Variants in GAB4 observed in about 807,000 individuals in gnomAD.
GAB4 encodes the protein GRB2 associated binding protein family member 4.
Under a neutral mutation model 51.3 loss-of-function variants are expected in GAB4, and 26 were observed. The observed-to-expected ratio is 0.51, with a 90% confidence interval of 0.37 to 0.70. GAB4 has a LOEUF of 0.70. Ranked by LOEUF, GAB4 falls within the 30% of genes least tolerant of loss-of-function variation. GAB4 has a pLI of 0.00. For missense variants in GAB4, 759 were observed against 734.6 expected (o/e 1.03, Z -0.38); for synonymous variants, 329 against 291.2 (o/e 1.13, Z -1.32).
At chr22:16,980,209 C>T (rs2060815892) in intron 3 of GAB4, among the ~76,000 whole-genome samples, 1 of 152,184 alleles carries the variant, frequency 6.6e-6, no homozygotes, top group African/African-American at 2.4e-5. Flanking sequence ...AAACTATCAT[C>T]AGAGTGAACA....
chr22:16,988,423 C>G (rs570891146), intron 2 of GAB4, among the ~76,000 whole-genome samples: 486 of 152,320 alleles, frequency 3.2e-3, no homozygotes, highest in African/African-American at 0.011. Flanking sequence ...TCCCAGACGG[C>G]GTGGTTCCCC....
At chr22:16,981,494 A>G (rs568010621) in intron 3 of GAB4, among the ~76,000 whole-genome samples, 14 of 152,286 alleles carry the variant, frequency 9.2e-5, no homozygotes, top group Non-Finnish European at 1.6e-4. Flanking sequence ...GACTATTATG[A>G]GCAACAATAT....
chr22:16,989,074 G>A (rs570861958), intron 2 of GAB4, among the ~76,000 whole-genome samples: 7 of 152,274 alleles, frequency 4.6e-5, no homozygotes, highest in South Asian at 4.1e-4. Flanking sequence ...TTTGAGAACC[G>A]CTACTGATGT....
Position 16,973,526 on chromosome 22 carries a change from C to T in GAB4, c.687-3333G>A, listed in dbSNP as rs536066998. ...CAGCTCAGATACTCACCCCTGAGTA[C>T]GTCCCACATGGTCTAAACCCCATCC... On this transcript the variant is annotated intron_variant, in intron 3 of 9. Coordinates refer to ENST00000400588, the MANE Select transcript of GAB4 (RefSeq NM_001037814.1). Among the ~76,000 whole-genome samples, 20 of 152,298 alleles carry T rather than the reference C, an allele frequency of 1.3e-4. No homozygotes were observed. The East Asian group carries it at 3.3e-3, about 25-fold the overall frequency.
chr22:16,972,446 T>C (rs1361450544), intron 3 of GAB4, among the ~76,000 whole-genome samples: 1 of 152,154 alleles, frequency 6.6e-6, no homozygotes, highest in Non-Finnish European at 1.5e-5. Context: ...TTCAAGGGGC[T>C]GCAAGCTGCT....
At position 16,991,855 on chromosome 22, in the gene GAB4, C is replaced by T. The variant is rs1220488588; in HGVS notation, c.478+18G>A. 68 of 1,592,184 alleles carry T rather than the reference C, an allele frequency of 4.3e-5. No individual in the cohort carries two copies. The highest frequency in any genetic ancestry group is 5.8e-5 in the Non-Finnish European group (68 of 1,165,842). ...CATCTCAGCCCCTCCTGAGACAGGGCTGTGTGTGCTCCCATACCTGTGCTT... is the reference window on the plus strand; with the variant it reads ...CATCTCAGCCCCTCCTGAGACAGGGTTGTGTGTGCTCCCATACCTGTGCTT... On this transcript the variant is annotated intron_variant, in intron 2 of 9. Coordinates refer to ENST00000400588, the MANE Select transcript of GAB4 (RefSeq NM_001037814.1).
Position 16,963,747 on chromosome 22 carries a change from G to A in GAB4, c.1559C>T (p.Ala520Val), listed in dbSNP as rs1253940662. Reference protein sequence around the residue: ...PRSTGNIHYAALDFQPSKPSI... With the variant: ...PRSTGNIHYAVLDFQPSKPSI... The stretch of plus-strand genomic sequence containing the variant: ...CACCTTGCTCGGCTGGAAGTCCAGG[G>A]CCGCGTAGTGGATGTTACCAGTGCT... Residue 520 changes from alanine (A) to valine (V), a missense_variant, in exon 9 of 10, where the codon GCC becomes GTC. Ala to Val is a moderately conservative substitution (Grantham distance 64, BLOSUM62 0). Around this residue, in one of 3 missense-constraint regions of GAB4, gnomAD observed 588 missense variants for 510.2 expected, o/e 1.15. Transcript: ENST00000400588. 2 of 1,613,454 alleles carry A rather than the reference G, an allele frequency of 1.2e-6. No homozygotes were observed. The highest frequency in any genetic ancestry group is 1.3e-5 in the African/African-American group (1 of 74,908).
Position 16,964,844 on chromosome 22 carries a change from G to T in GAB4, c.1398C>A (p.Ser466Arg), listed in dbSNP as rs150913589. 1.2e-6 allele frequency: 2 copies of T among 1,613,978 alleles called. No homozygotes were observed. Among genetic ancestry groups the T allele is most frequent in the South Asian group, 2.2e-5 (2 of 91,076 alleles). Residue 466 changes from serine (S) to arginine (R), a missense_variant, in exon 8 of 10, where the codon AGC (serine) becomes AGA (arginine). Transcript: ENST00000400588. ...GCGTGGAGATGGGGTGTTGGGAGGA[G>T]CTGGAGTCAAAGGTGTGGCTGTCAT... ...WSGTSHTFDS[S>R]SSQHPISTQS... is the part of the protein sequence containing the mutation.
chr22:17,007,625 C>T (rs1159723309), intron 1 of GAB4, among the ~76,000 whole-genome samples: 8 of 152,000 alleles, frequency 5.3e-5, no homozygotes, highest in African/African-American at 1.9e-4. Context: ...GGAGCGGGTG[C>T]GAGGTTCCTG....
chr22:16,974,055 G>T (rs5748773), intron 3 of GAB4, among the ~76,000 whole-genome samples: 4 of 151,930 alleles, frequency 2.6e-5, no homozygotes, highest in Non-Finnish European at 4.4e-5. Context: ...GGAGCACTGT[G>T]CCAACAACAC....
intron 1 of GAB4, among the ~76,000 whole-genome samples, chr22:16,997,342 G>A (rs1282510235): frequency 6.6e-6 from 1 of 152,180 alleles, no homozygotes; most frequent in Non-Finnish European, 1.5e-5. Context: ...CATTCTAACT[G>A]GTATGAGATG....
intron 1 of GAB4, among the ~76,000 whole-genome samples, chr22:16,997,534 A>T (rs1215377659): frequency 6.6e-6 from 1 of 152,032 alleles, no homozygotes; most frequent in Non-Finnish European, 1.5e-5. Flanking sequence ...TAGATTCTGG[A>T]TATTAGCCCT....
Position 16,972,578 on chromosome 22 carries a change from G to A in GAB4, c.687-2385C>T, listed in dbSNP as rs117313128. Among the ~76,000 whole-genome samples, 1,123 of 152,222 alleles carry A rather than the reference G, an allele frequency of 7.4e-3. 20 individuals are homozygous for A. In the East Asian group the frequency reaches 0.09, roughly 12 times the overall value. On this transcript the variant is annotated intron_variant, in intron 3 of 9. Transcript: ENST00000400588. Reference sequence around the variant, plus strand: ...CTCAGGTGTCCTGCGGTAATCTCACGCATATTCAGAATATGCCCATCATCT... The same window carrying A: ...CTCAGGTGTCCTGCGGTAATCTCACACATATTCAGAATATGCCCATCATCT...
chr22:16,999,082 G>C (rs528820023), intron 1 of GAB4, among the ~76,000 whole-genome samples: 5 of 152,218 alleles, frequency 3.3e-5, no homozygotes, highest in African/African-American at 1.2e-4. Flanking sequence ...GTTCATCAGG[G>C]ATATTGGTCT....
intron 5 of GAB4, 142 bp downstream of exon 5, chr22:16,968,156 G>C (rs1182254936): frequency 1.6e-6 from 1 of 637,916 alleles, no homozygotes; most frequent in Non-Finnish European, 2.9e-6. Context: ...CTGAACCTAT[G>C]GTTCTGAACT....
chr22:16,989,989 C>G (rs2123702369), intron 2 of GAB4, among the ~76,000 whole-genome samples: 1 of 152,300 alleles, frequency 6.6e-6, no homozygotes, highest in East Asian at 1.9e-4. Flanking sequence ...CCCCGATGCT[C>G]CAAGTGAGCC....
rs776565964 is a variant in GAB4, at chr22:16,987,963, G to A, written c.683C>T (p.Ala228Val). The A allele has an allele frequency of 8.8e-6, 14 of 1,597,090 alleles. No individual in the cohort carries two copies. The Admixed American group carries it at 1.1e-4, about 12-fold the overall frequency. The change falls in exon 3 of 10, where the codon GCA becomes GTA. Residue 228 changes from alanine to valine, a missense_variant. Transcript: ENST00000400588. Reference protein sequence around the residue: ...HQHASQRAEHARSASFSQGSE... With the variant: ...HQHASQRAEHVRSASFSQGSE... ...ACTGGCCATAGTAGCCCCCTACCTT[G>A]CATGTTCTGCTCTCTGGCTGGCGTG...
chr22:16,965,410 C>G (rs772424628), intron 6 of GAB4, 142 bp from the exon 7 acceptor site: 1 of 667,416 alleles, frequency 1.5e-6, no homozygotes, highest in African/African-American at 1.8e-5. Flanking sequence ...TGAGGCTTGG[C>G]AAGGCTCTAT....
chr22:16,964,114 T>C (rs1485758656), intron 8 of GAB4, among the ~76,000 whole-genome samples: 1 of 151,978 alleles, frequency 6.6e-6, no homozygotes, highest in Non-Finnish European at 1.5e-5. Context: ...CCCCTCCAGC[T>C]CCCAGAGATC....
Sources: allele counts gnomAD v4.1 joint callset (sites outside exome capture counted in the v4.1 genomes callset), GRCh38; gene constraint gnomAD v4.1.1; regional missense constraint gnomAD v4.1.1; transcripts MANE v1.5; gene names NCBI Gene and HGNC (gene_info 2026-07-23, HGNC 2026-07-21).